The following GLI2 variants were observed in gnomAD, a reference collection of about 807,000 sequenced individuals.
GLI2 encodes transcription activator GLI2.
A neutral mutation model predicts 78.9 loss-of-function variants in GLI2; 22 were observed. The ratio of observed to expected loss-of-function variants is 0.28; its 90% CI spans 0.20 to 0.40. GLI2 has a LOEUF of 0.40. GLI2 is among the 10% of genes least tolerant of loss of function. The pLI is 1.00. For missense variants in GLI2, 2,097 were observed against 2,213.2 expected (o/e 0.95, Z 1.05); for synonymous variants, 974 against 963.7 (o/e 1.01, Z -0.20).
chr2:120,863,418 C>A (rs1466786643), intron 2 of GLI2, among the ~76,000 whole-genome samples: 1 of 152,236 alleles, frequency 6.6e-6, no homozygotes, highest in African/African-American at 2.4e-5. Flanking sequence ...TAGAATCCAC[C>A]ACGGGCCGTC....
chr2:120,788,895 G>A (rs1684069737), intron 1 of GLI2, among the ~76,000 whole-genome samples: 1 of 152,156 alleles, frequency 6.6e-6, no homozygotes, highest in Non-Finnish European at 1.5e-5. Context: ...TGGCCAGGCT[G>A]TGCTGCAGAA....
At chr2:120,855,022 C>T (rs990575642) in intron 2 of GLI2, among the ~76,000 whole-genome samples, 3 of 152,222 alleles carry the variant, frequency 2.0e-5, no homozygotes, top group Non-Finnish European at 4.4e-5. Context: ...AGGCTCCCCT[C>T]GAGGTCATCG....
At position 120,986,471 on chromosome 2, in the gene GLI2, T is replaced by C. The variant is rs112205179; in HGVS notation, c.2099T>C (p.Leu700Pro). The change falls in exon 13 of 14, where the codon CTC (leucine) becomes CCC (proline). Residue 700 changes from leucine (L) to proline (P), a missense_variant. Physicochemically the swap from Leu to Pro is moderately conservative, Grantham distance 98 (BLOSUM62 -3). This residue lies in a region of GLI2 where 1,290 missense variants were observed against 1,261.7 expected (regional missense o/e 1.02). Coordinates refer to ENST00000361492, the MANE Select transcript of GLI2 (RefSeq NM_001374353.1). ...CTGGCTGCCCCCTCCGCTGGTGGCCTCCAGCTGCGCAAACACATGACCACC... is the reference window on the plus strand; with the variant it reads ...CTGGCTGCCCCCTCCGCTGGTGGCCCCCAGCTGCGCAAACACATGACCACC... ...SALAAPSAGG[L>P]QLRKHMTTMH... 1 of 1,613,972 alleles carries C rather than the reference T, an allele frequency of 6.2e-7. No individual in the cohort carries two copies. Among genetic ancestry groups the C allele is most frequent in the South Asian group, 1.1e-5 (1 of 91,078 alleles).
At chr2:120,906,580 G>T (rs903559877) in intron 2 of GLI2, among the ~76,000 whole-genome samples, 1 of 151,924 alleles carries the variant, frequency 6.6e-6, no homozygotes, top group Non-Finnish European at 1.5e-5. Context: ...CTTCAAGGTC[G>T]CAGCCACCAC....
intron 2 of GLI2, among the ~76,000 whole-genome samples, chr2:120,808,505 G>A (rs371501063): frequency 6.6e-6 from 1 of 152,210 alleles, no homozygotes; most frequent in African/African-American, 2.4e-5. Context: ...AAGAGGGTCA[G>A]GGAGGGAAGA....
intron 2 of GLI2, among the ~76,000 whole-genome samples, chr2:120,818,847 C>T (rs1685629407): frequency 6.6e-6 from 1 of 152,196 alleles, no homozygotes; most frequent in Non-Finnish European, 1.5e-5. Flanking sequence ...GTGGTTTGAG[C>T]CAGGATTTGA....
At chr2:120,832,123 G>A (rs1312181176) in intron 2 of GLI2, among the ~76,000 whole-genome samples, 1 of 152,186 alleles carries the variant, frequency 6.6e-6, no homozygotes, top group Non-Finnish European at 1.5e-5. Flanking sequence ...CTGGCACAGG[G>A]TGCACCATCT....
intron 2 of GLI2, among the ~76,000 whole-genome samples, chr2:120,854,276 C>G (rs1687543560): frequency 6.6e-6 from 1 of 152,176 alleles, no homozygotes; most frequent in South Asian, 2.1e-4. Context: ...AAGAGTACAG[C>G]AAGTGTGAAG....
At chr2:120,752,269 ATTTT>A (rs192674460) in intron 1 of GLI2, among the ~76,000 whole-genome samples, 1 of 129,948 alleles carries the variant, frequency 7.7e-6, no homozygotes. Flanking sequence ...CCTATCTTTA[ATTTT>A]TTTTTTTTTT....
chr2:120,768,269 G>A (rs1487129840), intron 1 of GLI2, among the ~76,000 whole-genome samples: 6 of 152,144 alleles, frequency 3.9e-5, no homozygotes, highest in East Asian at 1.9e-4. Context: ...TGCGGTGGGC[G>A]GACTTATCCC....
chr2:120,929,849 A>G (rs755346295), intron 3 of GLI2, among the ~76,000 whole-genome samples: 31 of 152,112 alleles, frequency 2.0e-4, no homozygotes, highest in Non-Finnish European at 3.8e-4. Flanking sequence ...GGCTGAGACC[A>G]CAGCTGGAGA....
chr2:120,804,866 C>A lies in GLI2; in HGVS notation c.148+7398C>A, dbSNP rs75063944. Among the ~76,000 whole-genome samples the A allele has an allele frequency of 5.2e-3, 786 of 152,282 alleles. 9 individuals carry two copies. Among genetic ancestry groups the A allele is most frequent in the African/African-American group, 0.018 (752 of 41,558 alleles). Reference sequence around the variant, plus strand: ...TGAGGTTGGAGACTTCTTCCTGCTCCCAGCAGAGTCTAGTGGGAAGAGCAT... The same window carrying A: ...TGAGGTTGGAGACTTCTTCCTGCTCACAGCAGAGTCTAGTGGGAAGAGCAT... On this transcript the variant is annotated intron_variant, in intron 2 of 13. Transcript: ENST00000361492.
chr2:120,970,532 A>G lies in GLI2; in HGVS notation c.985A>G (p.Met329Val), dbSNP rs377150486. The G allele has an allele frequency of 2.7e-5, 43 of 1,613,998 alleles. No individual in the cohort carries two copies. In the African/African-American group the frequency reaches 5.3e-4, roughly 20 times the overall value. ...PSPTFLAQQPMALTSINATPT... is the reference protein window; with the variant it reads ...PSPTFLAQQPVALTSINATPT... ...ACCCACCTTCCTGGCCCAGCAGCCCATGGCCCTCACCTCCATCAATGCCAC... is the reference window on the plus strand; with the variant it reads ...ACCCACCTTCCTGGCCCAGCAGCCCGTGGCCCTCACCTCCATCAATGCCAC... The change falls in exon 7 of 14, where the codon ATG (methionine) becomes GTG (valine). Residue 329 changes from methionine (M) to valine (V), a missense_variant. By Grantham distance (21) the Met-to-Val change is conservative (BLOSUM62 1). This residue lies in a region of GLI2 where 578 missense variants were observed against 612.0 expected (regional missense o/e 0.94). Transcript: ENST00000361492.
At chr2:120,945,548 G>A (rs1289690519) in intron 3 of GLI2, among the ~76,000 whole-genome samples, 1 of 152,194 alleles carries the variant, frequency 6.6e-6, no homozygotes, top group African/African-American at 2.4e-5. Flanking sequence ...GGGAAGCTGT[G>A]TGGGTCAAGA....
At chr2:120,790,100 C>A (rs1484961982) in intron 1 of GLI2, among the ~76,000 whole-genome samples, 1 of 152,218 alleles carries the variant, frequency 6.6e-6, no homozygotes, top group Non-Finnish European at 1.5e-5. Context: ...AACATGGGAA[C>A]CATGGATCCC....
chr2:120,873,921 C>T (rs1331766187), intron 2 of GLI2, among the ~76,000 whole-genome samples: 2 of 152,180 alleles, frequency 1.3e-5, no homozygotes, highest in Non-Finnish European at 2.9e-5. Context: ...GGAGACTGCA[C>T]CCTCTTGCCT....
intron 5 of GLI2, among the ~76,000 whole-genome samples, chr2:120,964,769 A>G (rs1292925873): frequency 6.6e-6 from 1 of 152,240 alleles, no homozygotes; most frequent in Non-Finnish European, 1.5e-5. Flanking sequence ...CTTCAGAGCC[A>G]CTGAAAGTGG....
intron 3 of GLI2, among the ~76,000 whole-genome samples, chr2:120,945,279 A>G (rs1209243498): frequency 6.6e-6 from 1 of 152,202 alleles, no homozygotes; most frequent in Non-Finnish European, 1.5e-5. Flanking sequence ...TAACATGTGC[A>G]CAGCACACAC....
chr2:120,968,733 G>T lies in GLI2; in HGVS notation c.663G>T (p.Pro221=), dbSNP rs760171656. 1.2e-6 allele frequency: 2 copies of T among 1,610,622 alleles called. No individual in the cohort carries two copies. Among genetic ancestry groups the T allele is most frequent in the African/African-American group, 1.3e-5 (1 of 74,488 alleles). Residue 221 remains proline (P), a synonymous_variant, in exon 6 of 14, where the codon CCG becomes CCT. Coordinates refer to ENST00000361492, the MANE Select transcript of GLI2 (RefSeq NM_001374353.1). ...NPVDVSRFSS[P]RVTPRLSRKR... ...CCACAGTGTCCCGTTTCTCCAGCCC[G>T]CGGGTGACGCCCCGCCTGAGCCGCA...
Sources: allele counts gnomAD v4.1 joint callset (sites outside exome capture counted in the v4.1 genomes callset), GRCh38; gene constraint gnomAD v4.1.1; regional missense constraint gnomAD v4.1.1; transcripts MANE v1.5; gene names NCBI Gene and HGNC (gene_info 2026-07-23, HGNC 2026-07-21).